Variants in USH2A observed in about 807,000 individuals in gnomAD.
USH2A encodes usherin, also known as Usher syndrome 2A (autosomal recessive, mild).
USH2A carries 443 observed loss-of-function variants against 538.9 expected under a neutral mutation model. That is an observed-to-expected ratio of 0.82 (90% confidence interval 0.76 to 0.89). The LOEUF is 0.89. Among genes scored for constraint, USH2A ranks in the 40% least tolerant of loss-of-function variants. The pLI is 0.00. For missense variants in USH2A, 6,633 were observed against 6,324.8 expected, an observed-to-expected ratio of 1.05 and a Z score of -1.65; for synonymous variants, 2,413 against 2,273.5, an observed-to-expected ratio of 1.06 and a Z score of -1.75.
At chr1:216,240,556 T>C (rs888618637) in intron 13 of USH2A, among the ~76,000 whole-genome samples, 1 of 151,378 alleles carries the variant, frequency 6.6e-6, no homozygotes, top group Non-Finnish European at 1.5e-5. Context: ...GAAGAAAGAA[T>C]CTGATTAACA....
intron 61 of USH2A, among the ~76,000 whole-genome samples, chr1:215,701,724 G>T (rs2102690260): frequency 6.6e-6 from 1 of 152,156 alleles, no homozygotes; most frequent in Middle Eastern, 3.4e-3. Flanking sequence ...TGCACGTGAG[G>T]TTGGTCTCCT....
intron 38 of USH2A, 47 bp from the exon 39 acceptor site, chr1:215,900,952 C>T (rs753728799): frequency 6.2e-7 from 1 of 1,611,380 alleles, no homozygotes; most frequent in Non-Finnish European, 8.5e-7. Flanking sequence ...CTGTGGAGAA[C>T]ATATGCTGGA....
intron 20 of USH2A, among the ~76,000 whole-genome samples, chr1:216,177,113 A>G (rs546422141): frequency 6.6e-6 from 1 of 152,208 alleles, no homozygotes; most frequent in Non-Finnish European, 1.5e-5. Flanking sequence ...TGGTAAGAGC[A>G]TGTTTGGTTT....
Position 216,248,931 on chromosome 1 carries a change from A to G in USH2A, c.2168-1705T>C, listed in dbSNP as rs2036104508. On this transcript the variant is annotated intron_variant, in intron 12 of 71. Transcript: ENST00000307340. ...ACATTCTTCTCCCTTTTTATTCTAGATGAATGACCTACTTTAATAAAATTA... is the reference window on the plus strand; with the variant it reads ...ACATTCTTCTCCCTTTTTATTCTAGGTGAATGACCTACTTTAATAAAATTA... 3.9e-5 allele frequency among the ~76,000 whole-genome samples: 6 copies of G among 152,194 alleles called. No individual in the cohort carries two copies. The South Asian group carries it at 1.2e-3, about 32-fold the overall frequency.
intron 11 of USH2A, among the ~76,000 whole-genome samples, chr1:216,267,791 A>C (rs1286151806): frequency 6.6e-6 from 1 of 152,090 alleles, no homozygotes; most frequent in Non-Finnish European, 1.5e-5. Context: ...TTCCCAGTGT[A>C]CCATACACTC....
intron 55 of USH2A, among the ~76,000 whole-genome samples, chr1:215,776,801 G>T (rs1571675889): frequency 6.6e-6 from 1 of 152,206 alleles, no homozygotes; most frequent in African/African-American, 2.4e-5. Flanking sequence ...ACTACATTTG[G>T]TCAGTCAGCT....
At chr1:216,240,397 A>AAACAATTGTT (rs1558337686) in intron 13 of USH2A, among the ~76,000 whole-genome samples, 1 of 152,074 alleles carries the variant, frequency 6.6e-6, no homozygotes, top group African/African-American at 2.4e-5. Flanking sequence ...TTGGTCGAAC[A>AAACAATTGTT]TGAGTCTAGA....
At chr1:215,930,515 C>A (rs1666337250) in intron 38 of USH2A, among the ~76,000 whole-genome samples, 2 of 152,024 alleles carry the variant, frequency 1.3e-5, no homozygotes, top group Admixed American at 6.6e-5. Context: ...AGCTTCTTTG[C>A]CTTCCTCCTC....
intron 61 of USH2A, among the ~76,000 whole-genome samples, chr1:215,686,057 C>T (rs1212557064): frequency 3.3e-5 from 5 of 152,090 alleles, no homozygotes; most frequent in Admixed American, 1.3e-4. Flanking sequence ...ACACAGCTGC[C>T]AAAATGCTCA....
rs182889228 is a variant in USH2A, at chr1:216,098,304, A to G, written c.4628-1091T>C. On this transcript the variant is annotated intron_variant, in intron 21 of 71. Coordinates refer to ENST00000307340, the MANE Select transcript of USH2A (RefSeq NM_206933.4). The stretch of plus-strand genomic sequence containing the variant: ...CAGTTTAGTTGAAAATATTAAATGT[A>G]TATGTCTTAACAAATTATCCTGTGG... 7.2e-5 allele frequency among the ~76,000 whole-genome samples: 11 copies of G among 152,014 alleles called. No individual in the cohort carries two copies. In the East Asian group the frequency reaches 1.3e-3, roughly 19 times the overall value.
At chr1:216,162,927 T>C (rs989436194) in intron 21 of USH2A, among the ~76,000 whole-genome samples, 8 of 152,056 alleles carry the variant, frequency 5.3e-5, no homozygotes, top group African/African-American at 1.9e-4. Context: ...AATTTTTGAA[T>C]TATTTTTCAG....
At chr1:215,823,435 A>T (rs1257426362) in intron 47 of USH2A, among the ~76,000 whole-genome samples, 1 of 151,682 alleles carries the variant, frequency 6.6e-6, no homozygotes, top group East Asian at 1.9e-4. Flanking sequence ...TAAATATGTT[A>T]TTTGCTTCTT....
intron 55 of USH2A, among the ~76,000 whole-genome samples, chr1:215,771,376 C>T (rs1247397585): frequency 1.0e-4 from 15 of 150,726 alleles, no homozygotes; most frequent in Non-Finnish European, 1.3e-4. Flanking sequence ...GTCAGGAGAT[C>T]GAGACCATCC....
At chr1:216,403,973 C>T (rs1367456229) in intron 3 of USH2A, among the ~76,000 whole-genome samples, 1 of 152,146 alleles carries the variant, frequency 6.6e-6, no homozygotes, top group Non-Finnish European at 1.5e-5. Context: ...TCCTTGCTTT[C>T]CCTTCACCTT....
rs1209483870 is a variant in USH2A, at chr1:216,186,105, A to C, written c.4396+4118T>G. Among the ~76,000 whole-genome samples the C allele has an allele frequency of 2.6e-5, 4 of 151,876 alleles. No homozygotes were observed. The South Asian group carries it at 6.2e-4, about 24-fold the overall frequency. On this transcript the variant is annotated intron_variant, in intron 20 of 71. Coordinates refer to ENST00000307340, the MANE Select transcript of USH2A (RefSeq NM_206933.4). ...TAGAAAATAAACATTTTTTCCAGAA[A>C]AAAACAAACACTAAAATAAATTTTT...
chr1:216,029,026 T>A (rs1669032030), intron 32 of USH2A, among the ~76,000 whole-genome samples: 3 of 152,122 alleles, frequency 2.0e-5, no homozygotes, highest in Admixed American at 1.3e-4. Flanking sequence ...TCTTTATATT[T>A]TTCCAAGTTT....
intron 3 of USH2A, among the ~76,000 whole-genome samples, chr1:216,408,028 T>C: frequency 6.6e-6 from 1 of 152,252 alleles, no homozygotes; most frequent in Non-Finnish European, 1.5e-5. Context: ...TATTTGTATA[T>C]ATTTCCTTTT....
chr1:215,663,479 C>A (rs973960378), intron 64 of USH2A, among the ~76,000 whole-genome samples: 11 of 152,206 alleles, frequency 7.2e-5, no homozygotes, highest in Admixed American at 1.3e-4. Flanking sequence ...CAAGGATTGT[C>A]AATATCTCAC....
chr1:215,968,972 C>T (rs981529727), intron 36 of USH2A, among the ~76,000 whole-genome samples: 4 of 152,102 alleles, frequency 2.6e-5, no homozygotes, highest in Admixed American at 2.6e-4. Flanking sequence ...AAAGAATCAT[C>T]AACAAAAAGA....
Sources: allele counts gnomAD v4.1 joint callset (sites outside exome capture counted in the v4.1 genomes callset), GRCh38; gene constraint gnomAD v4.1.1; transcripts MANE v1.5; gene names NCBI Gene and HGNC (gene_info 2026-07-23, HGNC 2026-07-21).